MROH2A: variants seen among roughly 807,000 people sequenced by gnomAD.
The protein encoded by MROH2A is maestro heat-like repeat-containing protein family member 2A.
In MROH2A, 174 loss-of-function variants were observed where a neutral mutation model predicts 200.4. That is an observed-to-expected ratio of 0.87 (90% confidence interval 0.77 to 0.98). The LOEUF is 0.98. MROH2A is among the 50% of genes least tolerant of loss of function. The pLI, the probability that MROH2A is intolerant of heterozygous loss-of-function variation, is 0.00. For synonymous variants in MROH2A, 829 were observed against 840.4 expected, an observed-to-expected ratio of 0.99 and a Z score of 0.23; for missense variants, 2,045 against 2,139.6, an observed-to-expected ratio of 0.96 and a Z score of 0.87.
At chr2:233,829,345 A>G (rs922723563) in intron 37 of MROH2A, among the ~76,000 whole-genome samples, 4 of 152,010 alleles carry the variant, frequency 2.6e-5, no homozygotes, top group Non-Finnish European at 5.9e-5. Context: ...AAATACCCCC[A>G]GGGCACCTGT....
At chr2:233,776,119 G>A (rs141487894), upstream of MROH2A, among the ~76,000 whole-genome samples, 23 of 152,226 alleles carry the variant, frequency 1.5e-4, no homozygotes, top group East Asian at 2.1e-3. Context: ...GTATGAAAAT[G>A]GACTAATACA....
At position 233,794,360 on chromosome 2, in the gene MROH2A, CAG is replaced by C. The variant is rs1025115211; in HGVS notation, c.823-2_823-1del. 2 of 1,548,308 alleles carry C rather than the reference CAG, an allele frequency of 1.3e-6. No individual in the cohort carries two copies. The highest frequency in any genetic ancestry group is 2.7e-5 in the African/African-American group (2 of 72,976). Reference sequence around the variant, plus strand: ...GCGTCCCAGAGCTGGTTTCTGGTGGCAGGTGAAGCTGGGGGTGATCAAGTCCC... The same window carrying C: ...GCGTCCCAGAGCTGGTTTCTGGTGGCGTGAAGCTGGGGGTGATCAAGTCCC... On this transcript the variant is annotated splice_acceptor_variant, in intron 7 of 41. Coordinates refer to ENST00000389758, the MANE Select transcript of MROH2A (RefSeq NM_001394639.1). LOFTEE classifies it high-confidence loss of function.
Position 233,795,789 on chromosome 2 carries a change from G to A in MROH2A, c.1059+44G>A, listed in dbSNP as rs1353377295. The A allele has an allele frequency of 2.6e-6, 4 of 1,550,730 alleles. No individual in the cohort carries two copies. The Admixed American group carries it at 7.8e-5, about 30-fold the overall frequency. On this transcript the variant is annotated intron_variant, in intron 9 of 41. Transcript: ENST00000389758. ...GCTGGACAAGGGCATTCTCTGGGTG[G>A]ATCAGCAGGAAGCTGGCGGCGGGAG...
rs1202402641 is a variant in MROH2A at position 233,813,847 on chromosome 2, TGA to T, written c.2760+73_2760+74del. On this transcript the variant is annotated intron_variant, in intron 25 of 41. Coordinates refer to ENST00000389758, the MANE Select transcript of MROH2A (RefSeq NM_001394639.1). ...GAGTTAACATTAACATGGGCCATGC[TGA>T]GAGTCCACCTTCCTGAACCACCTTT... 4.8e-6 allele frequency: 4 copies of T among 835,238 alleles called. No homozygotes were observed. The East Asian group carries it at 1.1e-4, about 23-fold the overall frequency. 51.7% of individuals were successfully genotyped at this position (835,238 alleles called of 1,614,324 possible).
chr2:233,819,757 G>T (rs1703806325), intron 30 of MROH2A, 145 bp from the exon 31 acceptor site: 1 of 904,140 alleles, frequency 1.1e-6, no homozygotes, highest in East Asian at 2.7e-5. Context: ...AGAGACCAGA[G>T]GATGCACTAG....
intron 35 of MROH2A, among the ~76,000 whole-genome samples, chr2:233,824,930 A>G (rs1231997888): frequency 6.6e-6 from 1 of 152,226 alleles, no homozygotes; most frequent in Non-Finnish European, 1.5e-5. Context: ...GGTCATTTGC[A>G]TGATACTGAT....
intron 37 of MROH2A, 28 bp downstream of exon 37, chr2:233,829,100 T>C: frequency 6.8e-7 from 1 of 1,477,726 alleles, no homozygotes. Flanking sequence ...CTCCCTGAGC[T>C]TGCTCAGTGA....
rs1053758260 is a variant in MROH2A, at chr2:233,805,186, CGT to C, written c.2052+83_2052+84del. The stretch of plus-strand genomic sequence containing the variant: ...GGTGAGGGAGTGGAGAGGATAACAC[CGT>C]GTGTGTGAGATCAGCTGGACCTGTG... On this transcript the variant is annotated intron_variant, in intron 19 of 41. Transcript: ENST00000389758. 2.0e-5 allele frequency: 20 copies of C among 978,482 alleles called. No individual in the cohort carries two copies. In the African/African-American group the frequency reaches 3.1e-4, roughly 15 times the overall value. 60.6% of individuals were successfully genotyped at this position (978,482 alleles called of 1,614,324 possible).
chr2:233,790,122 TTC>T (rs1357559086), intron 5 of MROH2A, 108 bp downstream of exon 5: 4 of 1,076,988 alleles, frequency 3.7e-6, no homozygotes, highest in African/African-American at 1.6e-5. Context: ...TACCTTTCAT[TTC>T]TCTCTTTTTC....
rs1329317249 is a variant in MROH2A, at chr2:233,788,197, T to C, written c.277-1300T>C. Among the ~76,000 whole-genome samples, 11 of 125,968 alleles carry C rather than the reference T, an allele frequency of 8.7e-5. No individual in the cohort carries two copies. In the East Asian group the frequency reaches 1.4e-3, roughly 16 times the overall value. The allele number at this position is 125,968 out of a possible 152,430, so 82.6% of individuals were successfully genotyped here. On this transcript the variant is annotated intron_variant, in intron 3 of 41. Coordinates refer to ENST00000389758, the MANE Select transcript of MROH2A (RefSeq NM_001394639.1). ...TATATTATATATATACACACACATA[T>C]ACATATATATGGCATTAAAGTCTCG...
intron 3 of MROH2A, among the ~76,000 whole-genome samples, chr2:233,784,857 T>TA: frequency 6.6e-6 from 1 of 152,288 alleles, no homozygotes; most frequent in East Asian, 1.9e-4. Context: ...CACGGGCTTT[T>TA]AAAAAATGTA....
chr2:233,800,716 A>G (rs983533460), intron 14 of MROH2A, among the ~76,000 whole-genome samples: 2 of 151,894 alleles, frequency 1.3e-5, no homozygotes, highest in African/African-American at 4.8e-5. Context: ...TTGAGTTCTA[A>G]CTCTGTGAAA....
intron 5 of MROH2A, among the ~76,000 whole-genome samples, chr2:233,792,343 T>C (rs557047318): frequency 0.01 from 1,550 of 149,782 alleles, 27 homozygotes; most frequent in African/African-American, 0.036. Context: ...GATGGAGTCA[T>C]GCTCTGTCGC....
chr2:233,816,767 GGCTCTACCCATA>G lies in MROH2A; in HGVS notation c.2857-9_2859del. On this transcript the variant is annotated splice_acceptor_variant and splice_polypyrimidine_tract_variant and intron_variant, in intron 26 of 41. Coordinates refer to ENST00000389758, the MANE Select transcript of MROH2A (RefSeq NM_001394639.1). LOFTEE classifies it high-confidence loss of function. ...TTTTAACACCCACTTTGGTGTTCTG[GGCTCTACCCATA>G]GCTCCTGGAAAAGTGGATCTTGTCG... is the stretch of plus-strand genomic sequence containing the variant. 3 of 1,542,710 alleles carry G rather than the reference GGCTCTACCCATA, an allele frequency of 1.9e-6. No homozygotes were observed. The highest frequency in any genetic ancestry group is 2.6e-6 in the Non-Finnish European group (3 of 1,140,068).
At chr2:233,795,837 C>T (rs564104126) in intron 9 of MROH2A, 92 bp downstream of exon 9, 49 of 1,546,064 alleles carry the variant, frequency 3.2e-5, no homozygotes, top group Middle Eastern at 3.3e-4. Context: ...ACAACTCACT[C>T]GCGTGCTTCC....
rs1703669907 is a variant in MROH2A at position 233,818,087 on chromosome 2, C to T, written c.3047C>T (p.Ala1016Val). Residue 1016 changes from alanine (A) to valine (V), a missense_variant, in exon 28 of 42, where the codon GCC becomes GTC. Ala to Val is a moderately conservative substitution (Grantham distance 64). Around this residue, in one of 3 missense-constraint regions of MROH2A, gnomAD observed 1,201 missense variants for 1,311.3 expected, o/e 0.92. Transcript: ENST00000389758. ...TCDAHQRTRM[A>V]SMNVLSSLLD... ...GATGCCCATCAAAGAACCCGCATGG[C>T]CTCAATGAATGTCCTGTCCAGCCTG... 1.3e-6 allele frequency: 2 copies of T among 1,550,846 alleles called. No homozygotes were observed. The highest frequency in any genetic ancestry group is 1.4e-5 in the African/African-American group (1 of 73,052).
Position 233,822,106 on chromosome 2 carries a change from T to C in MROH2A, c.3513-18T>C. 1 of 1,545,564 alleles carries C rather than the reference T, an allele frequency of 6.5e-7. No homozygotes were observed. The highest frequency in any genetic ancestry group is 8.7e-7 in the Non-Finnish European group (1 of 1,144,092). ...CATGCCAGGAAACTCACAGTCCTTG[T>C]GCCCTGACTTTGGTTAGCCACCTGG... is the stretch of plus-strand genomic sequence containing the variant. On this transcript the variant is annotated intron_variant, in intron 31 of 41. Coordinates refer to ENST00000389758, the MANE Select transcript of MROH2A (RefSeq NM_001394639.1).
At position 233,822,147 on chromosome 2, in the gene MROH2A, C is replaced by T. The variant is rs1458128587; in HGVS notation, c.3536C>T (p.Ala1179Val). 34 of 1,549,794 alleles carry T rather than the reference C, an allele frequency of 2.2e-5. No individual in the cohort carries two copies. Among genetic ancestry groups the T allele is most frequent in the Non-Finnish European group, 3.0e-5 (34 of 1,146,786 alleles). ...AGCCACCTGGCAGAGGTGTGGCTGG[C>T]AGTGTCGGAGAACGTGCCCTTCGCC... Reference protein sequence around the residue: ...MESHLAEVWLAVSENVPFART... With the variant: ...MESHLAEVWLVVSENVPFART... Residue 1179 changes from alanine (A) to valine (V), a missense_variant, in exon 32 of 42, where the codon GCA (alanine) becomes GTA (valine). Transcript: ENST00000389758.
At chr2:233,798,603 CAG>C (rs1300013970) in intron 11 of MROH2A, among the ~76,000 whole-genome samples, 169 bp from the exon 12 acceptor site, 3 of 152,216 alleles carry the variant, frequency 2.0e-5, no homozygotes, top group African/African-American at 7.2e-5. Context: ...GTGGAAACAA[CAG>C]AGGGGAGGGA....
Sources: allele counts gnomAD v4.1 joint callset (sites outside exome capture counted in the v4.1 genomes callset), GRCh38; gene constraint gnomAD v4.1.1; regional missense constraint gnomAD v4.1.1; transcripts MANE v1.5; gene names NCBI Gene and HGNC (gene_info 2026-07-23, HGNC 2026-07-21).